Variants in GHR observed in about 807,000 individuals in gnomAD.
The protein encoded by GHR is growth hormone receptor.
Under a neutral mutation model 67.1 loss-of-function variants are expected in GHR, and 35 were observed. The observed-to-expected ratio is 0.52, with a 90% CI of 0.40 to 0.69. The LOEUF is 0.69. Ranked by LOEUF, GHR falls within the 30% of genes least tolerant of loss-of-function variation. The probability of loss-of-function intolerance (pLI) is 0.00; values close to 1 mark genes in which losing one functional copy is unlikely to be tolerated. For missense variants in GHR, 792 were observed against 764.6 expected (o/e 1.04, Z -0.42); for synonymous variants, 272 against 269.1 (o/e 1.01, Z -0.10).
intron 3 of GHR, among the ~76,000 whole-genome samples, chr5:42,687,401 C>T (rs988955629): frequency 4.6e-5 from 7 of 152,212 alleles, no homozygotes; most frequent in East Asian, 3.8e-4. Flanking sequence ...GAAGGCATCA[C>T]GCTACCTGAC....
At position 42,718,726 on chromosome 5, in the gene GHR, G is replaced by T. The variant is rs34814943; in HGVS notation, c.1219G>T (p.Gly407Cys). 20 of 1,613,932 alleles carry T rather than the reference G, an allele frequency of 1.2e-5. No individual in the cohort carries two copies. In the East Asian group the frequency reaches 4.5e-4, roughly 36 times the overall value. ...TTTCAATGCCAATGACATACATGAG[G>T]GTACCTCAGAGGTTGCTCAGCCACA... ...TDFNANDIHEGTSEVAQPQRL... is the reference protein window; with the variant it reads ...TDFNANDIHECTSEVAQPQRL... The change falls in exon 10 of 10, where the codon GGT (glycine) becomes TGT (cysteine). Residue 407 changes from glycine (G) to cysteine (C), a missense_variant. By Grantham distance (159) the Gly-to-Cys change is radical. Transcript: ENST00000230882.
At chr5:42,513,817 C>A (rs1747127648) in intron 1 of GHR, among the ~76,000 whole-genome samples, 2 of 151,698 alleles carry the variant, frequency 1.3e-5, no homozygotes, top group African/African-American at 4.8e-5. Flanking sequence ...GAGGTTAAAA[C>A]TCAAATAAAG....
rs145228474 is a variant in GHR, at chr5:42,513,241, T to C, written c.-11-52623T>C. Among the ~76,000 whole-genome samples, 16 of 152,290 alleles carry C rather than the reference T, an allele frequency of 1.1e-4. No individual in the cohort carries two copies. In the East Asian group the frequency reaches 2.9e-3, roughly 28 times the overall value. ...GAAATTTCAATTGTGTAGGAGCAGT[T>C]ATTTGGGAGAAAAGTGCCCTCTCAC... On this transcript the variant is annotated intron_variant, in intron 1 of 9. Coordinates refer to ENST00000230882, the MANE Select transcript of GHR (RefSeq NM_000163.5).
At chr5:42,484,175 C>T (rs1389428103) in intron 1 of GHR, among the ~76,000 whole-genome samples, 1 of 152,140 alleles carries the variant, frequency 6.6e-6, no homozygotes, top group Non-Finnish European at 1.5e-5. Flanking sequence ...CCTTAAAAAG[C>T]CCAGAAAATG....
chr5:42,446,190 A>G (rs1743798463), intron 1 of GHR, among the ~76,000 whole-genome samples: 1 of 152,190 alleles, frequency 6.6e-6, no homozygotes, highest in African/African-American at 2.4e-5. Context: ...TGCACTCATA[A>G]TGTAAGCTAA....
Position 42,614,559 on chromosome 5 carries a change from A to ATTTTT in GHR, c.71-14451_71-14447dup, listed in dbSNP as rs553365880. On this transcript the variant is annotated intron_variant, in intron 2 of 9. Coordinates refer to ENST00000230882, the MANE Select transcript of GHR (RefSeq NM_000163.5). ...GCAAGCTTTATAGGCCATAGAGGAC[A>ATTTTT]TTTTTTTTTTTTTTTTTTTTTTTTT... 1.7e-3 allele frequency among the ~76,000 whole-genome samples: 114 copies of ATTTTT among 65,402 alleles called. 7 individuals carry two copies. The highest frequency in any genetic ancestry group is 5.5e-3 in the African/African-American group (87 of 15,836). 42.9% of individuals were successfully genotyped at this position (65,402 alleles called of 152,430 possible). A position where few individuals can be genotyped will look rare whatever the true frequency, so the allele number is the denominator to read the frequency against.
chr5:42,672,392 C>T (rs890153896), intron 3 of GHR, among the ~76,000 whole-genome samples: 1 of 152,130 alleles, frequency 6.6e-6, no homozygotes, highest in Non-Finnish European at 1.5e-5. Flanking sequence ...ATCCCATTTA[C>T]AGTAGCCACA....
At chr5:42,519,161 C>G (rs1001434782) in intron 1 of GHR, among the ~76,000 whole-genome samples, 1 of 152,180 alleles carries the variant, frequency 6.6e-6, no homozygotes, top group Non-Finnish European at 1.5e-5. Context: ...CTATAACCCT[C>G]TGTTTTCACT....
intron 1 of GHR, among the ~76,000 whole-genome samples, chr5:42,469,380 AAGGAGATCT>A (rs1042269279): frequency 6.6e-6 from 1 of 152,222 alleles, no homozygotes; most frequent in African/African-American, 2.4e-5. Context: ...AATTATAGAT[AAGGAGATCT>A]AGGCTTCACA....
At chr5:42,580,417 A>G (rs1306424835) in intron 2 of GHR, among the ~76,000 whole-genome samples, 1 of 152,144 alleles carries the variant, frequency 6.6e-6, no homozygotes, top group Non-Finnish European at 1.5e-5. Flanking sequence ...ATTATCTAGT[A>G]TTTTATAAGG....
chr5:42,646,146 G>T (rs1261077561), intron 3 of GHR, among the ~76,000 whole-genome samples: 3 of 134,890 alleles, frequency 2.2e-5, no homozygotes, highest in African/African-American at 3.3e-5. Context: ...AGAATGTTAA[G>T]GTTTTACTAA....
At chr5:42,568,843 G>A (rs1750102091) in intron 2 of GHR, among the ~76,000 whole-genome samples, 1 of 152,214 alleles carries the variant, frequency 6.6e-6, no homozygotes, top group Non-Finnish European at 1.5e-5. Context: ...CAAATTCAGT[G>A]TACTGATAAT....
At chr5:42,617,416 A>G (rs1368832775) in intron 2 of GHR, among the ~76,000 whole-genome samples, 3 of 150,350 alleles carry the variant, frequency 2.0e-5, no homozygotes. Flanking sequence ...ACACACACAC[A>G]CACACACACA....
intron 1 of GHR, among the ~76,000 whole-genome samples, chr5:42,447,573 G>T (rs1406553355): frequency 6.6e-6 from 1 of 151,972 alleles, no homozygotes; most frequent in Non-Finnish European, 1.5e-5. Flanking sequence ...GGCAAACTGT[G>T]CTGCTGTACA....
chr5:42,540,597 G>A (rs1748463166), intron 1 of GHR, among the ~76,000 whole-genome samples: 1 of 152,156 alleles, frequency 6.6e-6, no homozygotes, highest in South Asian at 2.1e-4. Flanking sequence ...ATCAGGCTGA[G>A]CTTCACTCCC....
chr5:42,596,202 C>T (rs1752062171), intron 2 of GHR, among the ~76,000 whole-genome samples: 1 of 151,962 alleles, frequency 6.6e-6, no homozygotes, highest in Non-Finnish European at 1.5e-5. Flanking sequence ...CCAGGTCTGC[C>T]TTTTTCATCA....
chr5:42,425,728 A>G (rs2972400), intron 1 of GHR, among the ~76,000 whole-genome samples: 124,863 of 152,182 alleles, frequency 0.82, 51,457 homozygotes, highest in East Asian at 1. Context: ...TAGCTTAAAG[A>G]GGTTGTCCCG....
chr5:42,663,962 G>C (rs964526466), intron 3 of GHR, among the ~76,000 whole-genome samples: 5 of 152,100 alleles, frequency 3.3e-5, no homozygotes, highest in African/African-American at 1.2e-4. Context: ...CAGACAAACA[G>C]AGCCAAATCA....
chr5:42,478,578 TCTC>T (rs1302359248), intron 1 of GHR, among the ~76,000 whole-genome samples: 1 of 152,194 alleles, frequency 6.6e-6, no homozygotes, highest in African/African-American at 2.4e-5. Context: ...GGTTTGTAGT[TCTC>T]CTTGAAGATG....
Sources: allele counts gnomAD v4.1 joint callset (sites outside exome capture counted in the v4.1 genomes callset), GRCh38; gene constraint gnomAD v4.1.1; transcripts MANE v1.5; gene names NCBI Gene and HGNC (gene_info 2026-07-23, HGNC 2026-07-21).